Variants in FCGR2A observed in about 807,000 individuals in gnomAD.
FCGR2A encodes the protein Fc gamma receptor IIa, also known as low affinity immunoglobulin gamma Fc region receptor II-a.
In FCGR2A, 18 loss-of-function variants were observed where a neutral mutation model predicts 29.3. The ratio of observed to expected loss-of-function variants is 0.62; its 90% confidence interval spans 0.43 to 0.91. The LOEUF (loss-of-function observed/expected upper bound fraction) is 0.91, where lower values mean the gene tolerates loss of function less well. Ranked by LOEUF, FCGR2A falls within the 40% of genes least tolerant of loss-of-function variation. The pLI is 0.00. For synonymous variants in FCGR2A, 126 were observed against 144.8 expected (o/e 0.87, Z 0.93); for missense variants, 287 against 393.0 (o/e 0.73, Z 2.28).
Position 161,506,343 on chromosome 1 carries a change from C to G in FCGR2A, c.116C>G (p.Pro39Arg), listed in dbSNP as rs746201328. 1 of 1,614,222 alleles carries G rather than the reference C, an allele frequency of 6.2e-7. No individual in the cohort carries two copies. The highest frequency in any genetic ancestry group is 8.5e-7 in the Non-Finnish European group (1 of 1,180,040). Residue 39 changes from proline to arginine, a missense_variant, in exon 3 of 7, where the codon CCA becomes CGA. By Grantham distance (103) the Pro-to-Arg change is moderately radical. Coordinates refer to ENST00000271450, the MANE Select transcript of FCGR2A (RefSeq NM_001136219.3). ...ASADSQAAAP[P>R]KAVLKLEPPW... Reference sequence around the variant, plus strand: ...CCACTCTGCCCCTCAGCAGCTCCCCCAAAGGCTGTGCTGAAACTTGAGCCC... The same window carrying G: ...CCACTCTGCCCCTCAGCAGCTCCCCGAAAGGCTGTGCTGAAACTTGAGCCC...
chr1:161,522,905 C>G (rs969708179), downstream of FCGR2A: 9 of 152,070 alleles, frequency 5.9e-5, no homozygotes, highest in African/African-American at 2.2e-4. Flanking sequence ...TACTTCTGGA[C>G]TCCTGCCTCC....
At chr1:161,511,584 T>G (rs1200040028) in intron 5 of FCGR2A, among the ~76,000 whole-genome samples, 1 of 152,174 alleles carries the variant, frequency 6.6e-6, no homozygotes, top group East Asian at 1.9e-4. Flanking sequence ...ATTCTGCCTC[T>G]GGACTAGCCC....
At chr1:161,511,368 T>G (rs909173864) in intron 5 of FCGR2A, among the ~76,000 whole-genome samples, 1 of 152,078 alleles carries the variant, frequency 6.6e-6, no homozygotes, top group Non-Finnish European at 1.5e-5. Flanking sequence ...GAAAGAGAAA[T>G]AATCCCACTA....
chr1:161,521,175 T>G (rs1326987389), downstream of FCGR2A, among the ~76,000 whole-genome samples: 4 of 151,066 alleles, frequency 2.6e-5, no homozygotes, highest in Non-Finnish European at 4.4e-5. Context: ...TTACTACTGA[T>G]GTACTATTAA....
At chr1:161,506,155 C>A in intron 2 of FCGR2A, 148 bp downstream of exon 2, 1 of 1,243,134 alleles carries the variant, frequency 8.0e-7, no homozygotes, top group Non-Finnish European at 1.2e-6. Flanking sequence ...TTAGTGGGGT[C>A]TGGGATTTGC....
At chr1:161,520,472 A>G (rs1349246514), downstream of FCGR2A, among the ~76,000 whole-genome samples, 1 of 151,888 alleles carries the variant, frequency 6.6e-6, no homozygotes, top group African/African-American at 2.4e-5. Context: ...CTTTTGACAG[A>G]TGGGGATTAT....
chr1:161,523,109 C>G (rs895975248), downstream of FCGR2A: 7 of 152,102 alleles, frequency 4.6e-5, no homozygotes, highest in Admixed American at 3.9e-4. Flanking sequence ...CAGACTGTAC[C>G]ACATACTCTC....
rs1676254312 is a variant in FCGR2A, at chr1:161,518,099, A to G, written c.905A>G (p.Asn302Ser). The G allele has an allele frequency of 6.2e-7, 1 of 1,613,766 alleles. No individual in the cohort carries two copies. Among genetic ancestry groups the G allele is most frequent in the African/African-American group, 1.3e-5 (1 of 74,880 alleles). The change falls in exon 7 of 7, where the codon AAC becomes AGC. Residue 302 changes from asparagine to serine, a missense_variant. By Grantham distance (46) the Asn-to-Ser change is conservative. Around this residue, in one of 3 missense-constraint regions of FCGR2A, gnomAD observed 34 missense variants for 73.5 expected, o/e 0.46. Coordinates refer to ENST00000271450, the MANE Select transcript of FCGR2A (RefSeq NM_001136219.3). The stretch of plus-strand genomic sequence containing the variant: ...AGGGCACCTACTGACGATGATAAAA[A>G]CATCTACCTGACTCTTCCTCCCAAC... ...NPRAPTDDDK[N>S]IYLTLPPNDH...
chr1:161,506,151 G>C, intron 2 of FCGR2A, 144 bp downstream of exon 2: 1 of 1,253,642 alleles, frequency 8.0e-7, no homozygotes, highest in Non-Finnish European at 1.2e-6. Context: ...CATTTTAGTG[G>C]GGTCTGGGAT....
rs368451398 is a variant in FCGR2A at position 161,518,063 on chromosome 1, C to G, written c.869C>G (p.Thr290Ser). 9 of 1,613,794 alleles carry G rather than the reference C, an allele frequency of 5.6e-6. No individual in the cohort carries two copies. The African/African-American group carries it at 1.2e-4, about 22-fold the overall frequency. ...GAAACAGCTGACGGCGGCTACATGA[C>G]TCTGAACCCCAGGGCACCTACTGAC... ...DYETADGGYM[T>S]LNPRAPTDDD... Residue 290 changes from threonine to serine, a missense_variant, in exon 7 of 7, where the codon ACT becomes AGT. By Grantham distance (58) the Thr-to-Ser change is moderately conservative (BLOSUM62 1). Transcript: ENST00000271450.
intron 5 of FCGR2A, among the ~76,000 whole-genome samples, chr1:161,511,557 C>A (rs1421701755): frequency 1.3e-5 from 2 of 152,196 alleles, no homozygotes; most frequent in East Asian, 1.9e-4. Context: ...TCCTGGGCGT[C>A]CCCATGGGTG....
chr1:161,512,775 G>C lies in FCGR2A; in HGVS notation c.743-1120G>C, dbSNP rs548412436. Among the ~76,000 whole-genome samples, 25 of 152,322 alleles carry C rather than the reference G, an allele frequency of 1.6e-4. No homozygotes were observed. In the South Asian group the frequency reaches 5.2e-3, roughly 32 times the overall value. ...TAAGAGCTTGAGCAAAATATCACTT[G>C]TTCAGCTGTGCTTGCAGCAAGGTTG... On this transcript the variant is annotated intron_variant, in intron 5 of 6. Coordinates refer to ENST00000271450, the MANE Select transcript of FCGR2A (RefSeq NM_001136219.3).
At chr1:161,517,102 T>C (rs561343550) in intron 6 of FCGR2A, among the ~76,000 whole-genome samples, 36 of 146,762 alleles carry the variant, frequency 2.5e-4, no homozygotes, top group African/African-American at 8.4e-4. Context: ...CTAGCTGCCC[T>C]CTAAACTCAA....
downstream of FCGR2A, among the ~76,000 whole-genome samples, chr1:161,521,563 G>A (rs1247742471): frequency 6.6e-6 from 1 of 152,028 alleles, no homozygotes. Flanking sequence ...GTTTGGCTGT[G>A]TCCCCACCCG....
rs534850522 is a variant in FCGR2A at position 161,513,836 on chromosome 1, C to T, written c.743-59C>T. 1.8e-4 allele frequency: 292 copies of T among 1,613,344 alleles called. 5 individuals carry two copies. The South Asian group carries it at 2.5e-3, about 14-fold the overall frequency. ...TATGGTTTTGCAGCCTCAGCATCAGCGTGGGCAGGCCCTTTTCAACAGCAG... is the reference window on the plus strand; with the variant it reads ...TATGGTTTTGCAGCCTCAGCATCAGTGTGGGCAGGCCCTTTTCAACAGCAG... On this transcript the variant is annotated intron_variant, in intron 5 of 6. Transcript: ENST00000271450.
In FCGR2A at chr1:161,506,657, A is replaced by G. The variant is rs116222521; in HGVS notation, c.364+66A>G. On this transcript the variant is annotated intron_variant, in intron 3 of 6. Transcript: ENST00000271450. Reference sequence around the variant, plus strand: ...GGACGGATGAAATCTGTTTACAGACAGAGGTTTGCAGGAAAGAGTGGGCGT... The same window carrying G: ...GGACGGATGAAATCTGTTTACAGACGGAGGTTTGCAGGAAAGAGTGGGCGT... 5.0e-5 allele frequency: 80 copies of G among 1,600,448 alleles called. 1 individual carries two copies. The African/African-American group carries it at 9.5e-4, about 19-fold the overall frequency.
chr1:161,510,425 T>C, intron 4 of FCGR2A: 1 of 501,820 alleles, frequency 2.0e-6, no homozygotes, highest in South Asian at 2.1e-5. Context: ...ATGGCTCATG[T>C]TATAGCCATT....
At chr1:161,515,395 A>G (rs558052029) in intron 6 of FCGR2A, among the ~76,000 whole-genome samples, 2 of 152,320 alleles carry the variant, frequency 1.3e-5, no homozygotes, top group East Asian at 3.9e-4. Context: ...ATGAACTATT[A>G]TAAAAGCAAC....
chr1:161,506,833 G>A, intron 3 of FCGR2A: 1 of 749,480 alleles, frequency 1.3e-6, no homozygotes, highest in Non-Finnish European at 2.1e-6. Context: ...TCTTGATTGA[G>A]CAAGGGGGTT....
Sources: gnomAD v4.1 joint callset for allele counts (sites outside exome capture counted in the v4.1 genomes callset) on GRCh38, gnomAD v4.1.1 for gene constraint, gnomAD v4.1.1 regional missense constraint, MANE v1.5 for transcripts, NCBI Gene and HGNC (gene_info 2026-07-23, HGNC 2026-07-21) for gene names.